NR3C2: variants seen among roughly 807,000 people sequenced by gnomAD.
NR3C2 encodes the protein mineralocorticoid receptor.
Under a neutral mutation model 86.4 loss-of-function variants are expected in NR3C2, and 15 were observed. The ratio of observed to expected loss-of-function variants is 0.17; its 90% CI spans 0.12 to 0.27. The LOEUF (loss-of-function observed/expected upper bound fraction) is 0.27. NR3C2 is among the 10% of genes least tolerant of loss of function. NR3C2 has a pLI of 1.00. For synonymous variants in NR3C2, 458 were observed against 450.5 expected, an observed-to-expected ratio of 1.02 and a Z score of -0.21; for missense variants, 960 against 1,195.6, an observed-to-expected ratio of 0.80 and a Z score of 2.91.
upstream of NR3C2, chr4:148,444,500 C>T: frequency 3.0e-6 from 3 of 985,864 alleles, no homozygotes; most frequent in Middle Eastern, 5.2e-4. Context: ...CCGCTGTCAG[C>T]GCAAAGTGAC....
chr4:148,198,232 T>C (rs185316884), intron 3 of NR3C2, among the ~76,000 whole-genome samples: 14 of 152,298 alleles, frequency 9.2e-5, no homozygotes, highest in African/African-American at 3.4e-4. Context: ...TAAACTATAG[T>C]ATTGCTTTTA....
At chr4:148,425,861 C>T (rs116084697) in intron 2 of NR3C2, among the ~76,000 whole-genome samples, 2,135 of 152,260 alleles carry the variant, frequency 0.014, 43 homozygotes, top group African/African-American at 0.047. Context: ...ATCACGAATA[C>T]TGTCTCCGTC....
chr4:148,439,501 G>A (rs542048242), intron 1 of NR3C2, among the ~76,000 whole-genome samples: 1 of 152,144 alleles, frequency 6.6e-6, no homozygotes, highest in South Asian at 2.1e-4. Flanking sequence ...GGCACACTCT[G>A]CGTCACTCAC....
intron 2 of NR3C2, among the ~76,000 whole-genome samples, chr4:148,321,705 GC>G (rs1316683591): frequency 2.0e-5 from 3 of 152,014 alleles, no homozygotes; most frequent in African/African-American, 4.8e-5. Context: ...TGCAACCCCT[GC>G]CTTTTTTTGT....
At chr4:148,302,476 T>A (rs1356119930) in intron 2 of NR3C2, among the ~76,000 whole-genome samples, 1 of 152,196 alleles carries the variant, frequency 6.6e-6, no homozygotes, top group African/African-American at 2.4e-5. Flanking sequence ...AAACTAGTTG[T>A]GAGTATTCTT....
At chr4:148,103,895 G>C (rs1010707483) in intron 8 of NR3C2, among the ~76,000 whole-genome samples, 1 of 152,078 alleles carries the variant, frequency 6.6e-6, no homozygotes, top group East Asian at 1.9e-4. Flanking sequence ...ACACCTCAAG[G>C]CATCTAGGCC....
At position 148,081,513 on chromosome 4, in the gene NR3C2, A is replaced by G. The variant is rs1730557757; in HGVS notation, c.2800-14T>C. On this transcript the variant is annotated splice_polypyrimidine_tract_variant and intron_variant, in intron 8 of 8. Coordinates refer to ENST00000358102, the MANE Select transcript of NR3C2 (RefSeq NM_000901.5). Reference sequence around the variant, plus strand: ...GTCGCTCACCAGCTGTAACACAGACACAGGGGGCATGACACGGGGGCCTCC... The same window carrying G: ...GTCGCTCACCAGCTGTAACACAGACGCAGGGGGCATGACACGGGGGCCTCC... The G allele has an allele frequency of 1.2e-6, 2 of 1,613,704 alleles. No individual in the cohort carries two copies. Among genetic ancestry groups the G allele is most frequent in the East Asian group, 4.5e-5 (2 of 44,874 alleles).
At chr4:148,113,973 G>A (rs1247241233) in intron 8 of NR3C2, 131 bp downstream of exon 8, 8 of 1,082,892 alleles carry the variant, frequency 7.4e-6, no homozygotes, top group East Asian at 2.6e-5. Flanking sequence ...TGGACATGGC[G>A]ATATCCTTAA....
In NR3C2 at chr4:148,436,103, T is replaced by C. The variant is rs1364162260; in HGVS notation, c.758A>G (p.His253Arg). 5.0e-6 allele frequency: 8 copies of C among 1,613,898 alleles called. No homozygotes were observed. Among genetic ancestry groups the C allele is most frequent in the African/African-American group, 2.7e-5 (2 of 74,882 alleles). ...NRGSRSHSPA[H>R]ASNVGSPLSS... ...GAGAGGAGAGCCCACATTGCTAGCA[T>C]GTGCAGGGCTGTGCGACCTGGAGCC... Residue 253 changes from histidine (H) to arginine (R), a missense_variant, in exon 2 of 9, where the codon CAT becomes CGT. By Grantham distance (29) the His-to-Arg change is conservative. Around this residue, in one of 4 missense-constraint regions of NR3C2, gnomAD observed 680 missense variants for 719.0 expected, o/e 0.95. Transcript: ENST00000358102.
chr4:148,214,996 G>A (rs1190918129), intron 3 of NR3C2, among the ~76,000 whole-genome samples: 2 of 152,138 alleles, frequency 1.3e-5, no homozygotes, highest in East Asian at 1.9e-4. Flanking sequence ...CTTCAACAAG[G>A]GGATGGGGGC....
At chr4:148,227,197 T>C (rs900156757) in intron 3 of NR3C2, among the ~76,000 whole-genome samples, 6 of 152,188 alleles carry the variant, frequency 3.9e-5, no homozygotes, top group Admixed American at 1.3e-4. Context: ...TCAGTTTTTG[T>C]TTTCATGACC....
At chr4:148,118,210 C>T (rs1732357369) in intron 7 of NR3C2, among the ~76,000 whole-genome samples, 1 of 152,190 alleles carries the variant, frequency 6.6e-6, no homozygotes, top group Non-Finnish European at 1.5e-5. Flanking sequence ...CCACTAACTT[C>T]TCTCCTCCCA....
intron 5 of NR3C2, among the ~76,000 whole-genome samples, chr4:148,152,877 G>A (rs948446536): frequency 4.6e-5 from 7 of 152,210 alleles, no homozygotes; most frequent in Admixed American, 3.3e-4. Flanking sequence ...AAGTTTCAGT[G>A]TGGATGACAG....
intron 2 of NR3C2, among the ~76,000 whole-genome samples, chr4:148,392,830 T>C (rs1403530991): frequency 6.6e-6 from 1 of 152,208 alleles, no homozygotes; most frequent in Non-Finnish European, 1.5e-5. Context: ...TTTAAAGTAA[T>C]GTAAGGCTTT....
At chr4:148,117,138 C>G (rs553146608) in intron 7 of NR3C2, among the ~76,000 whole-genome samples, 1 of 152,186 alleles carries the variant, frequency 6.6e-6, no homozygotes, top group Non-Finnish European at 1.5e-5. Context: ...ACAAGAGCAG[C>G]GGGAGATGGG....
chr4:148,182,678 A>G (rs1735699034), intron 4 of NR3C2, among the ~76,000 whole-genome samples: 1 of 152,188 alleles, frequency 6.6e-6, no homozygotes, highest in African/African-American at 2.4e-5. Context: ...CACTTGTACC[A>G]TGGCTGTTTT....
At chr4:148,265,880 C>G (rs1740361258) in intron 2 of NR3C2, among the ~76,000 whole-genome samples, 1 of 152,006 alleles carries the variant, frequency 6.6e-6, no homozygotes, top group South Asian at 2.1e-4. Flanking sequence ...GTTCTAAGCA[C>G]TGAGAAAAAC....
chr4:148,266,370 C>T (rs887889654), intron 2 of NR3C2, among the ~76,000 whole-genome samples: 6 of 152,198 alleles, frequency 3.9e-5, no homozygotes, highest in East Asian at 1.9e-4. Flanking sequence ...TGCACCCGGC[C>T]CAGAAGGCCT....
chr4:148,323,459 C>T (rs1203898518), intron 2 of NR3C2, among the ~76,000 whole-genome samples: 1 of 144,370 alleles, frequency 6.9e-6, no homozygotes, highest in South Asian at 2.4e-4. Context: ...TGTGCAATGG[C>T]GGGCGCCCCT....
Sources: gnomAD v4.1 joint callset for allele counts (sites outside exome capture counted in the v4.1 genomes callset) on GRCh38, gnomAD v4.1.1 for gene constraint, gnomAD v4.1.1 regional missense constraint, MANE v1.5 for transcripts, NCBI Gene and HGNC (gene_info 2026-07-23, HGNC 2026-07-21) for gene names.